The following ZBTB20 variants were observed in gnomAD, a reference collection of about 807,000 sequenced individuals.
ZBTB20 encodes zinc finger and BTB domain-containing protein 20.
In ZBTB20, 9 loss-of-function variants were observed where a neutral mutation model predicts 56.9. The observed-to-expected ratio is 0.16, with a 90% CI of 0.10 to 0.28. ZBTB20 has a LOEUF of 0.28. Among genes scored for constraint, ZBTB20 ranks in the 10% least tolerant of loss-of-function variants. ZBTB20 has a pLI of 1.00. For missense variants in ZBTB20, 655 were observed against 1,003.0 expected (o/e 0.65, Z 4.69); for synonymous variants, 417 against 420.7 (o/e 0.99, Z 0.11).
chr3:114,767,178 A>G (rs1317562270), intron 5 of ZBTB20, among the ~76,000 whole-genome samples: 1 of 152,110 alleles, frequency 6.6e-6, no homozygotes, highest in African/African-American at 2.4e-5. Flanking sequence ...CATTGGAAAA[A>G]TGTTGGCTTA....
At chr3:114,807,395 C>G (rs1341617801) in intron 4 of ZBTB20, among the ~76,000 whole-genome samples, 1 of 151,804 alleles carries the variant, frequency 6.6e-6, no homozygotes, top group Non-Finnish European at 1.5e-5. Context: ...TTTCTTTCTG[C>G]TGGTCTGTCT....
At position 114,316,631 on chromosome 3, in the gene ZBTB20, C is replaced by T. The variant is rs922318784; in HGVS notation, c.*22374G>A. ...CTAGCACATGCTTAACTTTCCCCTG[C>T]TCCCTCTGTATATTTTAAACAGTCT... On this transcript the variant is annotated 3_prime_UTR_variant, in exon 12 of 12. Coordinates refer to ENST00000675478, the MANE Select transcript of ZBTB20 (RefSeq NM_001348800.3). 9.7e-6 allele frequency: 5 copies of T among 517,432 alleles called. No individual in the cohort carries two copies. Among genetic ancestry groups the T allele is most frequent in the African/African-American group, 2.0e-5 (1 of 50,790 alleles). 32.1% of individuals were successfully genotyped at this position (517,432 alleles called of 1,614,324 possible).
intron 6 of ZBTB20, among the ~76,000 whole-genome samples, chr3:114,682,938 A>C (rs1489527528): frequency 6.6e-6 from 1 of 152,218 alleles, no homozygotes; most frequent in African/African-American, 2.4e-5. Flanking sequence ...ACATGAAATG[A>C]GCAGAGACTT....
chr3:114,694,903 G>C (rs2062912142), intron 5 of ZBTB20, among the ~76,000 whole-genome samples: 1 of 152,018 alleles, frequency 6.6e-6, no homozygotes, highest in Non-Finnish European at 1.5e-5. Context: ...TGAAGTGATT[G>C]GTCCACTACT....
intron 7 of ZBTB20, among the ~76,000 whole-genome samples, chr3:114,479,428 T>A (rs1292794300): frequency 6.6e-6 from 1 of 152,228 alleles, no homozygotes; most frequent in Non-Finnish European, 1.5e-5. Context: ...TTTGTGTCCT[T>A]TATCCTCAGT....
rs1460355158 is a variant in ZBTB20 at position 115,018,703 on chromosome 3, TTA to T, written c.-506-44289_-506-44288del. On this transcript the variant is annotated intron_variant, in intron 2 of 11. Coordinates refer to ENST00000675478, the MANE Select transcript of ZBTB20 (RefSeq NM_001348800.3). ...AGACTTGGAATATTTGAAAAATTGATTATGAGATAAGATAATTTCAACATAAC... is the reference window on the plus strand; with the variant it reads ...AGACTTGGAATATTTGAAAAATTGATTGAGATAAGATAATTTCAACATAAC... 3.3e-5 allele frequency among the ~76,000 whole-genome samples: 5 copies of T among 151,448 alleles called. No individual in the cohort carries two copies. In the South Asian group the frequency reaches 6.2e-4, roughly 19 times the overall value.
chr3:114,350,486 G>A lies in ZBTB20; in HGVS notation c.1592C>T (p.Pro531Leu). 1.2e-6 allele frequency: 2 copies of A among 1,614,166 alleles called. No homozygotes were observed. The highest frequency in any genetic ancestry group is 1.7e-6 in the Non-Finnish European group (2 of 1,180,028). ...AAACTGGGTCTGCTGGCCTGCCAGG[G>A]GCTGTGGCAGGCTGAAGAGGAAAGG... ...PKPFLFSLPQ[P>L]LAGQQTQFVT... The change falls in exon 11 of 12, where the codon CCC (proline) becomes CTC (leucine). Residue 531 changes from proline to leucine, a missense_variant. Pro to Leu is a moderately conservative substitution (Grantham distance 98). Transcript: ENST00000675478.
At chr3:114,944,216 A>G (rs1006797336) in intron 3 of ZBTB20, among the ~76,000 whole-genome samples, 2 of 145,894 alleles carry the variant, frequency 1.4e-5, no homozygotes, top group African/African-American at 5.6e-5. Flanking sequence ...AATGGTCAAC[A>G]GATATATGAA....
chr3:114,644,372 G>A (rs1166444909), intron 6 of ZBTB20, among the ~76,000 whole-genome samples: 1 of 152,050 alleles, frequency 6.6e-6, no homozygotes, highest in Non-Finnish European at 1.5e-5. Flanking sequence ...TGCCACCAAG[G>A]GCAGAATAGA....
chr3:114,779,527 C>A (rs187947897), intron 5 of ZBTB20, among the ~76,000 whole-genome samples: 2 of 152,114 alleles, frequency 1.3e-5, no homozygotes, highest in African/African-American at 2.4e-5. Flanking sequence ...GGGTTTGTAA[C>A]CTTTGTGATA....
intron 6 of ZBTB20, among the ~76,000 whole-genome samples, chr3:114,572,401 C>G (rs2053537628): frequency 6.6e-6 from 1 of 152,206 alleles, no homozygotes; most frequent in Non-Finnish European, 1.5e-5. Flanking sequence ...AAAAACTAGG[C>G]TAAGAATCCT....
At chr3:114,419,993 TA>T (rs1576675321) in intron 7 of ZBTB20, among the ~76,000 whole-genome samples, 1 of 152,094 alleles carries the variant, frequency 6.6e-6, no homozygotes, top group Non-Finnish European at 1.5e-5. Flanking sequence ...CATAATTTGG[TA>T]AAAAAGTATT....
intron 1 of ZBTB20, among the ~76,000 whole-genome samples, chr3:115,140,045 T>C (rs2084767283): frequency 1.3e-5 from 2 of 152,026 alleles, no homozygotes; most frequent in Non-Finnish European, 2.9e-5. Flanking sequence ...TAAGCATCAG[T>C]TTCAGTAACA....
intron 5 of ZBTB20, among the ~76,000 whole-genome samples, chr3:114,770,788 G>T (rs2069140472): frequency 6.6e-6 from 1 of 152,194 alleles, no homozygotes; most frequent in South Asian, 2.1e-4. Context: ...TCTGGGAGCA[G>T]AAGTATTTAG....
chr3:114,526,637 C>A (rs1462944594), intron 6 of ZBTB20, among the ~76,000 whole-genome samples: 1 of 152,184 alleles, frequency 6.6e-6, no homozygotes, highest in Non-Finnish European at 1.5e-5. Flanking sequence ...TAACCTTTTA[C>A]CAGGTTTTGC....
At chr3:115,114,729 T>C (rs1576799673) in intron 1 of ZBTB20, among the ~76,000 whole-genome samples, 1 of 142,528 alleles carries the variant, frequency 7.0e-6, no homozygotes, top group Non-Finnish European at 1.5e-5. Context: ...ACATTCAATA[T>C]GAAATGTTTT....
intron 5 of ZBTB20, among the ~76,000 whole-genome samples, chr3:114,734,134 C>T (rs893574763): frequency 6.6e-6 from 1 of 151,004 alleles, no homozygotes; most frequent in African/African-American, 2.4e-5. Flanking sequence ...CCCAGACTTA[C>T]AAAGAGATGA....
intron 3 of ZBTB20, among the ~76,000 whole-genome samples, chr3:114,907,547 T>C (rs2075367781): frequency 6.6e-6 from 1 of 151,860 alleles, no homozygotes; most frequent in Non-Finnish European, 1.5e-5. Flanking sequence ...AATAAGCTCA[T>C]CAAGAGTTCA....
chr3:114,374,032 T>TA (rs1183101733), intron 10 of ZBTB20, among the ~76,000 whole-genome samples: 1 of 151,432 alleles, frequency 6.6e-6, no homozygotes, highest in East Asian at 1.9e-4. Context: ...TTAGAGCAAA[T>TA]AAAAAAAACG....
Sources: allele counts gnomAD v4.1 joint callset (sites outside exome capture counted in the v4.1 genomes callset), GRCh38; gene constraint gnomAD v4.1.1; transcripts MANE v1.5; gene names NCBI Gene and HGNC (gene_info 2026-07-23, HGNC 2026-07-21).